ME1: variants seen among roughly 807,000 people sequenced by gnomAD.
ME1 encodes the protein NADP-dependent malic enzyme.
ME1 carries 74 observed loss-of-function variants against 66.4 expected under a neutral mutation model. That is an observed-to-expected ratio of 1.11 (90% CI 0.92 to 1.35). ME1 has a LOEUF of 1.35. ME1 is among the 40% of genes most tolerant of loss of function. The pLI is 0.00. For synonymous variants in ME1, 251 were observed against 235.6 expected (o/e 1.07, Z -0.60); for missense variants, 750 against 694.1 (o/e 1.08, Z -0.90).
intron 12 of ME1, among the ~76,000 whole-genome samples, chr6:83,218,445 A>T (rs1381390030): frequency 1.3e-5 from 2 of 152,204 alleles, no homozygotes; most frequent in African/African-American, 2.4e-5. Context: ...AGGTATGTGT[A>T]CTTAAGCAGA....
At chr6:83,430,607 A>G (rs180990408) in intron 1 of ME1, among the ~76,000 whole-genome samples, 2 of 152,318 alleles carry the variant, frequency 1.3e-5, no homozygotes, top group Admixed American at 6.5e-5. Flanking sequence ...TTCCTCTATC[A>G]CTAACCTTTA....
At chr6:83,320,852 G>T (rs780316189) in intron 5 of ME1, among the ~76,000 whole-genome samples, 4 of 152,066 alleles carry the variant, frequency 2.6e-5, no homozygotes, top group Non-Finnish European at 5.9e-5. Context: ...AAAAATTATC[G>T]ATTCCCAGGT....
In ME1 at chr6:83,230,073, G is replaced by A. The variant is rs560332837; in HGVS notation, c.1027-1142C>T. On this transcript the variant is annotated intron_variant, in intron 9 of 13. Transcript: ENST00000369705. ...TTCTGGCCTCAGGAGTGATCTTTTCGCTTCAGCCTCCTGAGTCACTAGGAT... is the reference window on the plus strand; with the variant it reads ...TTCTGGCCTCAGGAGTGATCTTTTCACTTCAGCCTCCTGAGTCACTAGGAT... 2.6e-5 allele frequency among the ~76,000 whole-genome samples: 4 copies of A among 151,638 alleles called. No homozygotes were observed. The South Asian group carries it at 6.2e-4, about 24-fold the overall frequency.
In ME1 at chr6:83,216,610, G is replaced by A. The variant is rs780185399; in HGVS notation, c.1450-14C>T. The stretch of plus-strand genomic sequence containing the variant: ...CTGAGCTATAACCTTATGAAAAAAA[G>A]AAAGAAAAAAAGTGTTTATACTTCA... On this transcript the variant is annotated splice_polypyrimidine_tract_variant and intron_variant, in intron 12 of 13. Transcript: ENST00000369705. The A allele has an allele frequency of 3.8e-6, 6 of 1,566,106 alleles. No individual in the cohort carries two copies. The highest frequency in any genetic ancestry group is 2.2e-5 in the East Asian group (1 of 44,522).
intron 3 of ME1, among the ~76,000 whole-genome samples, chr6:83,354,583 C>T (rs1768854108): frequency 6.6e-6 from 1 of 152,206 alleles, no homozygotes; most frequent in Non-Finnish European, 1.5e-5. Context: ...GCTCCTCAGA[C>T]AGGCCTTCTC....
At chr6:83,337,823 T>C (rs1768511495) in intron 5 of ME1, among the ~76,000 whole-genome samples, 1 of 1,962 alleles carries the variant, frequency 5.1e-4, no homozygotes, top group Non-Finnish European at 7.6e-4. Context: ...TATCTCAAAA[T>C]AATAAGAGCT....
At chr6:83,228,196 C>T (rs1320820609) in intron 10 of ME1, among the ~76,000 whole-genome samples, 3 of 152,138 alleles carry the variant, frequency 2.0e-5, no homozygotes, top group African/African-American at 4.8e-5. Flanking sequence ...TCTAAAACCA[C>T]TTTAAAGTCT....
chr6:83,253,569 T>G, intron 7 of ME1, 60 bp downstream of exon 7: 1 of 854,842 alleles, frequency 1.2e-6, no homozygotes. Flanking sequence ...GAATCATTAT[T>G]ACAATTATGA....
intron 4 of ME1, among the ~76,000 whole-genome samples, chr6:83,350,241 A>C (rs1216091910): frequency 6.6e-6 from 1 of 152,188 alleles, no homozygotes; most frequent in African/African-American, 2.4e-5. Flanking sequence ...TTTTTAAATA[A>C]AAGAGGGCAT....
chr6:83,212,914 C>T (rs1789921265), intron 13 of ME1, among the ~76,000 whole-genome samples: 1 of 151,998 alleles, frequency 6.6e-6, no homozygotes, highest in South Asian at 2.1e-4. Context: ...CTTAATTTCC[C>T]TTTTGACCAA....
intron 6 of ME1, among the ~76,000 whole-genome samples, chr6:83,308,271 C>T (rs73491334): frequency 2.6e-5 from 4 of 151,876 alleles, no homozygotes; most frequent in African/African-American, 7.3e-5. Context: ...AAAAAGAACA[C>T]AATTTTTAAA....
intron 5 of ME1, among the ~76,000 whole-genome samples, chr6:83,326,089 T>C (rs1443151222): frequency 2.0e-5 from 3 of 151,708 alleles, no homozygotes; most frequent in East Asian, 3.9e-4. Flanking sequence ...GCCTCAGAAA[T>C]AACACCACAC....
At chr6:83,392,833 T>C in intron 3 of ME1, 1 of 748,528 alleles carries the variant, frequency 1.3e-6, no homozygotes, top group Non-Finnish European at 2.4e-6. Context: ...CCATGAGAAA[T>C]ATGACAACAG....
chr6:83,368,402 C>T (rs1311615499), intron 3 of ME1, among the ~76,000 whole-genome samples: 3 of 151,664 alleles, frequency 2.0e-5, no homozygotes, highest in Non-Finnish European at 2.9e-5. Flanking sequence ...CTGCAAAGCA[C>T]AATAACATGA....
intron 6 of ME1, among the ~76,000 whole-genome samples, chr6:83,276,433 A>G (rs2128532169): frequency 6.6e-6 from 1 of 152,338 alleles, no homozygotes; most frequent in East Asian, 1.9e-4. Context: ...ACAATGTCCC[A>G]GGAGCAGTGA....
chr6:83,372,818 G>C (rs1050226157), intron 3 of ME1, among the ~76,000 whole-genome samples: 2 of 152,148 alleles, frequency 1.3e-5, no homozygotes, highest in African/African-American at 4.8e-5. Flanking sequence ...TAAGGCAAAA[G>C]AACCATATGT....
intron 1 of ME1, among the ~76,000 whole-genome samples, chr6:83,430,520 T>G (rs1770465678): frequency 6.6e-6 from 1 of 152,236 alleles, no homozygotes; most frequent in Non-Finnish European, 1.5e-5. Context: ...GGCACTCCAT[T>G]CACACACTTT....
intron 6 of ME1, among the ~76,000 whole-genome samples, chr6:83,278,793 T>C (rs1468867381): frequency 1.3e-5 from 2 of 152,138 alleles, no homozygotes; most frequent in Non-Finnish European, 2.9e-5. Context: ...GAGCATTCTG[T>C]TCTTCTTAAT....
chr6:83,242,208 T>G (rs925501423), intron 7 of ME1, among the ~76,000 whole-genome samples: 1 of 152,140 alleles, frequency 6.6e-6, no homozygotes, highest in Non-Finnish European at 1.5e-5. Context: ...GTTAGCAAGA[T>G]ACTAAACAGA....
Sources: gnomAD v4.1 joint callset for allele counts (sites outside exome capture counted in the v4.1 genomes callset) on GRCh38, gnomAD v4.1.1 for gene constraint, MANE v1.5 for transcripts, NCBI Gene and HGNC (gene_info 2026-07-23, HGNC 2026-07-21) for gene names.